LSAMP: variants seen among roughly 807,000 people sequenced by gnomAD.
LSAMP encodes limbic system-associated membrane protein.
LSAMP carries 7 observed loss-of-function variants against 38.6 expected under a neutral mutation model. That is an observed-to-expected ratio of 0.18 (90% confidence interval 0.10 to 0.34). LSAMP has a LOEUF of 0.34. Ranked by LOEUF, LSAMP falls within the 10% of genes least tolerant of loss-of-function variation. LSAMP has a pLI of 1.00. For synonymous variants in LSAMP, 154 were observed against 166.8 expected, an observed-to-expected ratio of 0.92 and a Z score of 0.59; for missense variants, 313 against 420.0, an observed-to-expected ratio of 0.75 and a Z score of 2.23.
intron 1 of LSAMP, among the ~76,000 whole-genome samples, chr3:116,438,527 T>C (rs2049387151): frequency 6.6e-6 from 1 of 152,210 alleles, no homozygotes; most frequent in Admixed American, 6.5e-5. Context: ...AAGTTTCAAC[T>C]AAAGAGAAAT....
intron 3 of LSAMP, among the ~76,000 whole-genome samples, chr3:115,997,614 G>C (rs1013787579): frequency 2.0e-5 from 3 of 149,774 alleles, no homozygotes; most frequent in African/African-American, 7.4e-5. Flanking sequence ...AAGTGCAAAG[G>C]CCCTGAGGTT....
rs371453301 is a variant in LSAMP at position 115,919,693 on chromosome 3, CCT to C, written c.515-67078_515-67077del. Among the ~76,000 whole-genome samples the C allele has an allele frequency of 1.1e-4, 16 of 152,224 alleles. No individual in the cohort carries two copies. The East Asian group carries it at 3.1e-3, about 29-fold the overall frequency. On this transcript the variant is annotated intron_variant, in intron 3 of 6. Transcript: ENST00000490035. ...GTGGCGCGATCTTGGCTCACTGCAACCTCTGTCTCCCGGGTTCAAGTGATTCT... is the reference window on the plus strand; with the variant it reads ...GTGGCGCGATCTTGGCTCACTGCAACCTGTCTCCCGGGTTCAAGTGATTCT...
intron 2 of LSAMP, among the ~76,000 whole-genome samples, chr3:116,044,542 G>A (rs1403435032): frequency 6.6e-6 from 1 of 151,750 alleles, no homozygotes; most frequent in African/African-American, 2.4e-5. Flanking sequence ...ATAAAAGGGT[G>A]ACAGACTGAA....
At chr3:115,951,966 G>A (rs767813868) in intron 3 of LSAMP, among the ~76,000 whole-genome samples, 3 of 152,100 alleles carry the variant, frequency 2.0e-5, no homozygotes, top group Non-Finnish European at 4.4e-5. Context: ...CATGAAAAAT[G>A]CTCAACATCA....
intron 1 of LSAMP, among the ~76,000 whole-genome samples, chr3:116,126,625 G>GC (rs2107495899): frequency 6.6e-6 from 1 of 152,208 alleles, no homozygotes; most frequent in South Asian, 2.1e-4. Context: ...ACTTTGGGAG[G>GC]CCAAGGCAGG....
At chr3:116,071,268 G>A (rs1707600006) in intron 2 of LSAMP, among the ~76,000 whole-genome samples, 1 of 150,224 alleles carries the variant, frequency 6.7e-6, no homozygotes, top group Non-Finnish European at 1.5e-5. Flanking sequence ...AGGGGGAAAA[G>A]GGCATCACAA....
chr3:116,103,523 T>C (rs1047757697), intron 1 of LSAMP, among the ~76,000 whole-genome samples: 2 of 149,022 alleles, frequency 1.3e-5, no homozygotes, highest in African/African-American at 4.9e-5. Flanking sequence ...TTTTTGTTCA[T>C]GTGTTCTTTC....
In LSAMP at chr3:116,412,575, C is replaced by T. The variant is rs1402723870; in HGVS notation, c.155+32302G>A. 2.6e-5 allele frequency among the ~76,000 whole-genome samples: 4 copies of T among 152,058 alleles called. No homozygotes were observed. The South Asian group carries it at 6.2e-4, about 24-fold the overall frequency. On this transcript the variant is annotated intron_variant, in intron 1 of 6. Transcript: ENST00000490035. ...ATTAAACAAGTACTGACAGCAAGTTCGTAGTTTAGAAGCATCTTCAGAAAT... is the reference window on the plus strand; with the variant it reads ...ATTAAACAAGTACTGACAGCAAGTTTGTAGTTTAGAAGCATCTTCAGAAAT...
chr3:115,822,679 T>C (rs1419070693), intron 6 of LSAMP, among the ~76,000 whole-genome samples: 2 of 152,132 alleles, frequency 1.3e-5, no homozygotes, highest in Non-Finnish European at 2.9e-5. Context: ...TCTTAGTTAA[T>C]AGGTGGACCA....
At chr3:115,859,470 C>T (rs1179722499) in intron 3 of LSAMP, among the ~76,000 whole-genome samples, 1 of 152,156 alleles carries the variant, frequency 6.6e-6, no homozygotes, top group Non-Finnish European at 1.5e-5. Context: ...AGGCATATGA[C>T]TGTTTAGACA....
intron 3 of LSAMP, among the ~76,000 whole-genome samples, chr3:115,855,697 G>T (rs1935485927): frequency 6.6e-6 from 1 of 152,162 alleles, no homozygotes; most frequent in African/African-American, 2.4e-5. Flanking sequence ...CTTTGCCCCG[G>T]TGTGTCCGTC....
At chr3:116,106,683 G>A (rs1488273902) in intron 1 of LSAMP, among the ~76,000 whole-genome samples, 1 of 152,086 alleles carries the variant, frequency 6.6e-6, no homozygotes. Flanking sequence ...GCTAAACTGA[G>A]GAATTATGTC....
intron 1 of LSAMP, among the ~76,000 whole-genome samples, chr3:116,133,606 C>T (rs1242556012): frequency 6.6e-6 from 1 of 152,002 alleles, no homozygotes; most frequent in East Asian, 1.9e-4. Context: ...AGCCACAGAC[C>T]CAGCCTCTTT....
At chr3:116,352,407 T>C (rs973820991) in intron 1 of LSAMP, among the ~76,000 whole-genome samples, 2 of 152,062 alleles carry the variant, frequency 1.3e-5, no homozygotes, top group African/African-American at 4.8e-5. Context: ...ATATGGTCAG[T>C]AGTGCAAAGA....
Position 116,445,051 on chromosome 3 carries a change from G to T in LSAMP, c.-20C>A, listed in dbSNP as rs750970264. 1.9e-6 allele frequency: 3 copies of T among 1,601,370 alleles called. No homozygotes were observed. Among genetic ancestry groups the T allele is most frequent in the African/African-American group, 1.3e-5 (1 of 74,790 alleles). On this transcript the variant is annotated 5_prime_UTR_variant, in exon 1 of 7. Coordinates refer to ENST00000490035, the MANE Select transcript of LSAMP (RefSeq NM_002338.5). ...GACCATGGTGGCCACGCCGAGGTGC[G>T]GGTCCGCGGGGTGCTCTGGAGGGGT...
intron 1 of LSAMP, among the ~76,000 whole-genome samples, chr3:116,173,664 A>G (rs1690219181): frequency 1.3e-5 from 2 of 152,070 alleles, no homozygotes; most frequent in Non-Finnish European, 2.9e-5. Flanking sequence ...CAGAAATTTG[A>G]ATCAGTGGAA....
At chr3:116,099,870 G>C (rs1387028400) in intron 1 of LSAMP, among the ~76,000 whole-genome samples, 1 of 151,940 alleles carries the variant, frequency 6.6e-6, no homozygotes, top group Non-Finnish European at 1.5e-5. Context: ...TACAGTGTTG[G>C]TTTTATTTAC....
At chr3:116,336,138 G>T (rs2047917125) in intron 1 of LSAMP, among the ~76,000 whole-genome samples, 1 of 151,822 alleles carries the variant, frequency 6.6e-6, no homozygotes, top group African/African-American at 2.4e-5. Flanking sequence ...CCAAATATCA[G>T]ACATAAAATT....
chr3:116,204,402 T>A (rs2046034584), intron 1 of LSAMP, among the ~76,000 whole-genome samples: 1 of 152,182 alleles, frequency 6.6e-6, no homozygotes. Context: ...GCTCTTTAGT[T>A]TAATTAAACC....
Sources: allele counts gnomAD v4.1 joint callset (sites outside exome capture counted in the v4.1 genomes callset), GRCh38; gene constraint gnomAD v4.1.1; transcripts MANE v1.5; gene names NCBI Gene and HGNC (gene_info 2026-07-23, HGNC 2026-07-21).